DOK5: variants seen among roughly 807,000 people sequenced by gnomAD.
DOK5 encodes docking protein 5.
In DOK5, 27 loss-of-function variants were observed where a neutral mutation model predicts 43.3. That is an observed-to-expected ratio of 0.62 (90% confidence interval 0.46 to 0.86). The LOEUF (loss-of-function observed/expected upper bound fraction) is 0.86, where lower values mean the gene tolerates loss of function less well. DOK5 is among the 40% of genes least tolerant of loss of function. The pLI is 0.00. For synonymous variants in DOK5, 146 were observed against 140.1 expected (o/e 1.04, Z -0.30); for missense variants, 373 against 392.9 (o/e 0.95, Z 0.43).
chr20:54,530,055 TG>T (rs1382978750), intron 1 of DOK5, among the ~76,000 whole-genome samples: 1 of 152,226 alleles, frequency 6.6e-6, no homozygotes, highest in Non-Finnish European at 1.5e-5. Flanking sequence ...AAAGGTTTTT[TG>T]TCAACTGTAG....
At chr20:54,617,142 G>T (rs145137850) in intron 6 of DOK5, among the ~76,000 whole-genome samples, 38 of 152,226 alleles carry the variant, frequency 2.5e-4, no homozygotes, top group African/African-American at 8.7e-4. Flanking sequence ...GCTACTTGGG[G>T]TTGTGGGATT....
At chr20:54,608,730 G>A (rs151227177) in intron 5 of DOK5, among the ~76,000 whole-genome samples, 8,773 of 149,858 alleles carry the variant, frequency 0.059, 880 homozygotes, top group African/African-American at 0.2. Context: ...GAGTGCAGTC[G>A]CATGATCTCA....
intron 1 of DOK5, among the ~76,000 whole-genome samples, chr20:54,476,485 C>A (rs1981432701): frequency 6.6e-6 from 1 of 152,104 alleles, no homozygotes; most frequent in Admixed American, 6.5e-5. Context: ...AGATTTCTGC[C>A]AAGCGTAAGG....
intron 1 of DOK5, among the ~76,000 whole-genome samples, chr20:54,489,873 G>A (rs184878134): frequency 1.3e-5 from 2 of 152,280 alleles, no homozygotes; most frequent in East Asian, 1.9e-4. Context: ...TTGTTCCAAG[G>A]GTATTCACAT....
chr20:54,633,120 C>T (rs575266442), intron 6 of DOK5, among the ~76,000 whole-genome samples: 108 of 152,230 alleles, frequency 7.1e-4, no homozygotes, highest in African/African-American at 2.6e-3. Context: ...AATGCCTGGG[C>T]TCCACCCTTG....
At chr20:54,617,056 C>A (rs954078574) in intron 6 of DOK5, among the ~76,000 whole-genome samples, 19 of 152,102 alleles carry the variant, frequency 1.2e-4, no homozygotes, top group Admixed American at 1.0e-3. Flanking sequence ...TCCCAAAGTG[C>A]TGGGATTACA....
intron 1 of DOK5, among the ~76,000 whole-genome samples, chr20:54,480,491 C>T (rs563563178): frequency 9.6e-4 from 146 of 152,288 alleles, no homozygotes; most frequent in Admixed American, 2.3e-3. Context: ...ATGAATAATC[C>T]ATCCCTTGTT....
Position 54,475,618 on chromosome 20 carries a change from A to C in DOK5, c.-329A>C. The stretch of plus-strand genomic sequence containing the variant: ...CTTCTTCTCCTCCTTCTCGGCCGGG[A>C]GGAGGCAGGGCTGGATCCCTCAGCC... On this transcript the variant is annotated 5_prime_UTR_variant, in exon 1 of 8. Coordinates refer to ENST00000262593, the MANE Select transcript of DOK5 (RefSeq NM_018431.5). This position sits in a 1 kb window ranked among gnomAD's most constrained non-coding sequence, Gnocchi z 4.2. 1 of 387,312 alleles carries C rather than the reference A, an allele frequency of 2.6e-6. No homozygotes were observed. The highest frequency in any genetic ancestry group is 4.7e-6 in the Non-Finnish European group (1 of 213,792). 24.0% of individuals were successfully genotyped at this position (387,312 alleles called of 1,614,324 possible).
chr20:54,476,125 C>G lies in DOK5; in HGVS notation c.66+113C>G, dbSNP rs1011045775. 5.8e-6 allele frequency: 9 copies of G among 1,554,020 alleles called. No homozygotes were observed. The African/African-American group carries it at 6.8e-5, about 12-fold the overall frequency. On this transcript the variant is annotated intron_variant, in intron 1 of 7. Transcript: ENST00000262593. ...CCCGGCCGCGCGCCGGAGAATTGCG[C>G]GGTGGCTTTCTCAGCCGAAACCCGC...
chr20:54,544,813 G>A (rs1984283147), intron 1 of DOK5, among the ~76,000 whole-genome samples: 1 of 152,124 alleles, frequency 6.6e-6, no homozygotes, highest in Non-Finnish European at 1.5e-5. Context: ...GCTATTGGTG[G>A]TCAACAATGC....
chr20:54,524,278 C>T (rs866238210), intron 1 of DOK5, among the ~76,000 whole-genome samples: 2 of 152,150 alleles, frequency 1.3e-5, no homozygotes, highest in African/African-American at 4.8e-5. Context: ...AGATCCAACT[C>T]GGGATGTTTC....
chr20:54,508,972 G>C (rs543820858), intron 1 of DOK5, among the ~76,000 whole-genome samples: 12 of 151,636 alleles, frequency 7.9e-5, no homozygotes, highest in Non-Finnish European at 1.6e-4. Flanking sequence ...CGTCTCCCTG[G>C]TTCATGCGAT....
intron 2 of DOK5, among the ~76,000 whole-genome samples, chr20:54,577,729 T>C (rs1985497164): frequency 1.3e-5 from 2 of 152,174 alleles, no homozygotes; most frequent in South Asian, 2.1e-4. Context: ...TGGCTGTGAG[T>C]GTACTGAATG....
intron 1 of DOK5, among the ~76,000 whole-genome samples, chr20:54,553,845 G>A (rs557349766): frequency 1.4e-5 from 2 of 147,240 alleles, no homozygotes; most frequent in East Asian, 2.0e-4. Flanking sequence ...TGCAGTGAGC[G>A]GAGATCGCAC....
intron 1 of DOK5, among the ~76,000 whole-genome samples, chr20:54,488,755 T>G: frequency 8.3e-6 from 1 of 119,976 alleles, no homozygotes; most frequent in African/African-American, 4.8e-5. Flanking sequence ...CCCTCCCTCT[T>G]TCCCTACCCC....
At chr20:54,482,985 GGAC>G (rs1981783180) in intron 1 of DOK5, among the ~76,000 whole-genome samples, 1 of 152,146 alleles carries the variant, frequency 6.6e-6, no homozygotes, top group Non-Finnish European at 1.5e-5. Flanking sequence ...GCATCAGCTG[GGAC>G]GACTCAGTTA....
chr20:54,576,984 A>T (rs16999798), intron 2 of DOK5, among the ~76,000 whole-genome samples: 14,491 of 152,242 alleles, frequency 0.095, 2,366 homozygotes, highest in African/African-American at 0.33. Flanking sequence ...TTGCATCTTT[A>T]ATTTTATTCA....
At chr20:54,520,354 G>A (rs903887524) in intron 1 of DOK5, among the ~76,000 whole-genome samples, 5 of 151,966 alleles carry the variant, frequency 3.3e-5, no homozygotes, top group South Asian at 2.1e-4. Flanking sequence ...TCCACTCTAG[G>A]TCAAGATTTC....
chr20:54,587,311 T>C (rs994411810), intron 2 of DOK5, among the ~76,000 whole-genome samples: 1 of 152,116 alleles, frequency 6.6e-6, no homozygotes, highest in African/African-American at 2.4e-5. Context: ...TGATGGAGAT[T>C]AAGAAGCAGA....
Sources: gnomAD v4.1 joint callset for allele counts (sites outside exome capture counted in the v4.1 genomes callset) on GRCh38, gnomAD v4.1.1 for gene constraint, Gnocchi (gnomAD v3.1) non-coding constraint, MANE v1.5 for transcripts, NCBI Gene and HGNC (gene_info 2026-07-23, HGNC 2026-07-21) for gene names.